The following TIMM23 variants were observed in gnomAD, a reference collection of about 807,000 sequenced individuals.
TIMM23 encodes mitochondrial import inner membrane translocase subunit Tim23.
In TIMM23, 19 loss-of-function variants were observed where a neutral mutation model predicts 30.7. That is an observed-to-expected ratio of 0.62 (90% CI 0.43 to 0.91). The LOEUF (loss-of-function observed/expected upper bound fraction) is 0.91, where lower values mean the gene tolerates loss of function less well. Ranked by LOEUF, TIMM23 falls within the 40% of genes least tolerant of loss-of-function variation. The probability of loss-of-function intolerance (pLI) is 0.00; values close to 1 mark genes in which losing one functional copy is unlikely to be tolerated. For synonymous variants in TIMM23, 78 were observed against 98.5 expected, an observed-to-expected ratio of 0.79 and a Z score of 1.23; for missense variants, 202 against 269.2, an observed-to-expected ratio of 0.75 and a Z score of 1.75.
At chr10:46,001,594 G>GAC (rs1360730013) in intron 6 of TIMM23, among the ~76,000 whole-genome samples, 1 of 152,064 alleles carries the variant, frequency 6.6e-6, no homozygotes, top group African/African-American at 2.4e-5. Flanking sequence ...ATCACTGAAT[G>GAC]TCACAGAATT....
chr10:45,991,247 G>T (rs1187084650), intron 6 of TIMM23, among the ~76,000 whole-genome samples: 3 of 152,206 alleles, frequency 2.0e-5, no homozygotes, highest in African/African-American at 7.2e-5. Flanking sequence ...TTAGGCTTAT[G>T]GCATGGAAAG....
At chr10:45,991,225 T>C (rs1168581510) in intron 6 of TIMM23, among the ~76,000 whole-genome samples, 1 of 152,196 alleles carries the variant, frequency 6.6e-6, no homozygotes, top group Non-Finnish European at 1.5e-5. Context: ...GAGAAAAGTC[T>C]GGGAAGATAG....
At chr10:45,981,827 G>T (rs1205204727) in intron 2 of TIMM23, among the ~76,000 whole-genome samples, 4 of 151,972 alleles carry the variant, frequency 2.6e-5, no homozygotes, top group African/African-American at 9.7e-5. Flanking sequence ...ATAAAATTTT[G>T]TTTGTTTTTT....
intron 4 of TIMM23, among the ~76,000 whole-genome samples, chr10:45,984,970 G>T (rs1225577200): frequency 6.6e-6 from 1 of 151,956 alleles, no homozygotes; most frequent in Non-Finnish European, 1.5e-5. Flanking sequence ...CTCCCAAAAA[G>T]AACCTTTTAG....
chr10:45,996,173 A>G (rs1386505974), intron 6 of TIMM23, among the ~76,000 whole-genome samples: 1 of 141,442 alleles, frequency 7.1e-6, no homozygotes, highest in Non-Finnish European at 1.5e-5. Context: ...CATCCTGGCT[A>G]ACACAGTGAA....
At chr10:45,993,442 C>T (rs1469062303) in intron 6 of TIMM23, among the ~76,000 whole-genome samples, 4 of 151,874 alleles carry the variant, frequency 2.6e-5, no homozygotes, top group South Asian at 2.1e-4. Context: ...TTAGTAGAGA[C>T]GGGGTTTCTC....
At chr10:45,996,133 G>A (rs1409954812) in intron 6 of TIMM23, among the ~76,000 whole-genome samples, 5 of 143,736 alleles carry the variant, frequency 3.5e-5, no homozygotes, top group African/African-American at 5.5e-5. Context: ...AGGCCAAGGC[G>A]GGAGGATCAC....
chr10:46,003,119 A>G, intron 6 of TIMM23, 84 bp from the exon 7 acceptor site: 1 of 1,136,300 alleles, frequency 8.8e-7, no homozygotes, highest in Non-Finnish European at 1.3e-6. Context: ...AGCCCATTTC[A>G]CAGTACTTTT....
chr10:45,999,650 C>T (rs899154725), intron 6 of TIMM23, among the ~76,000 whole-genome samples: 9 of 152,070 alleles, frequency 5.9e-5, no homozygotes, highest in East Asian at 1.9e-4. Flanking sequence ...AGGACCAGGG[C>T]GAAATTAAAA....
At chr10:45,978,648 T>G (rs1400340176) in intron 2 of TIMM23, among the ~76,000 whole-genome samples, 6 of 152,170 alleles carry the variant, frequency 3.9e-5, no homozygotes, top group South Asian at 2.1e-4. Context: ...TGAGTATTGT[T>G]GAGGATGTAG....
rs1590125756 is a variant in TIMM23, at chr10:45,993,017, C to G, written c.514+4170C>G. Among the ~76,000 whole-genome samples, 44 of 152,264 alleles carry G rather than the reference C, an allele frequency of 2.9e-4. No individual in the cohort carries two copies. In the South Asian group the frequency reaches 9.1e-3, roughly 32 times the overall value. On this transcript the variant is annotated intron_variant, in intron 6 of 6. Coordinates refer to ENST00000580018, the MANE Select transcript of TIMM23 (RefSeq NM_006327.4). ...CTAGAACAATCCTTCCAGATACCTA[C>G]CTCAAATGCTGCATCATCTGTCCAT... is the stretch of plus-strand genomic sequence containing the variant.
At chr10:45,993,907 G>A (rs1305199214) in intron 6 of TIMM23, among the ~76,000 whole-genome samples, 1 of 151,984 alleles carries the variant, frequency 6.6e-6, no homozygotes, top group African/African-American at 2.4e-5. Flanking sequence ...GAAATGAAAT[G>A]AAATGAAGAA....
chr10:45,986,255 T>A (rs1590118936), intron 5 of TIMM23, among the ~76,000 whole-genome samples: 1 of 152,178 alleles, frequency 6.6e-6, no homozygotes, highest in African/African-American at 2.4e-5. Flanking sequence ...AAGAGATGGC[T>A]GCTTTCATAT....
intron 6 of TIMM23, among the ~76,000 whole-genome samples, chr10:45,997,326 C>A (rs1554916907): frequency 4.7e-5 from 1 of 21,306 alleles, no homozygotes; most frequent in Non-Finnish European, 7.3e-5. Context: ...GCTAAATAGG[C>A]CATCTATAAA....
intron 5 of TIMM23, among the ~76,000 whole-genome samples, chr10:45,988,132 G>A (rs1838051261): frequency 6.6e-6 from 1 of 152,108 alleles, no homozygotes; most frequent in African/African-American, 2.4e-5. Flanking sequence ...TGGGCCTCAT[G>A]TGGAAAATTG....
chr10:45,982,842 C>T lies in TIMM23; in HGVS notation c.260-4C>T. On this transcript the variant is annotated splice_region_variant and splice_polypyrimidine_tract_variant and intron_variant, in intron 3 of 6. Transcript: ENST00000580018. ...TATCTGGGTGAATTGTTATGATTTA[C>T]CAGGGGCTGCGTTTGGTGCAATGAA... 6.2e-7 allele frequency: 1 copy of T among 1,613,456 alleles called. No homozygotes were observed. The highest frequency in any genetic ancestry group is 1.7e-5 in the Admixed American group (1 of 59,978).
intron 6 of TIMM23, among the ~76,000 whole-genome samples, chr10:45,995,990 A>G (rs1257513105): frequency 2.0e-5 from 3 of 149,952 alleles, no homozygotes; most frequent in Admixed American, 2.0e-4. Flanking sequence ...TCTGATGCAT[A>G]ATAAACCAAC....
intron 6 of TIMM23, chr10:45,992,676 G>A (rs1554916025): frequency 5.3e-6 from 2 of 376,416 alleles, no homozygotes; most frequent in East Asian, 1.5e-4. Flanking sequence ...TCCTGCCTCA[G>A]CTTCCCAAGT....
Position 45,982,479 on chromosome 10 carries a change from G to A in TIMM23, c.166-44G>A, listed in dbSNP as rs1187252000. 40 of 1,598,594 alleles carry A rather than the reference G, an allele frequency of 2.5e-5. No homozygotes were observed. In the African/African-American group the frequency reaches 4.3e-4, roughly 17 times the overall value. ...AAAAAGGCAACTTTACAAGATTTGT[G>A]TCTTGAGGGACACTCAGCTTGGTTT... On this transcript the variant is annotated intron_variant, in intron 2 of 6. Transcript: ENST00000580018.
Sources: allele counts gnomAD v4.1 joint callset (sites outside exome capture counted in the v4.1 genomes callset), GRCh38; gene constraint gnomAD v4.1.1; transcripts MANE v1.5; gene names NCBI Gene and HGNC (gene_info 2026-07-23, HGNC 2026-07-21).